The following PAK2 variants were observed in gnomAD, a reference collection of about 807,000 sequenced individuals.
PAK2 encodes the protein p21 (RAC1) activated kinase 2.
PAK2 carries 21 observed loss-of-function variants against 65.9 expected under a neutral mutation model. That is an observed-to-expected ratio of 0.32 (90% CI 0.23 to 0.46). The LOEUF (loss-of-function observed/expected upper bound fraction) is 0.46, where lower values mean the gene tolerates loss of function less well. Ranked by LOEUF, PAK2 falls within the 20% of genes least tolerant of loss-of-function variation. PAK2 has a pLI of 1.00. For synonymous variants in PAK2, 204 were observed against 219.7 expected (o/e 0.93, Z 0.63); for missense variants, 324 against 642.6 (o/e 0.50, Z 5.36).
Position 196,756,604 on chromosome 3 carries a change from G to A in PAK2, c.-22+16447G>A, listed in dbSNP as rs145250479. Among the ~76,000 whole-genome samples, 294 of 152,282 alleles carry A rather than the reference G, an allele frequency of 1.9e-3. 1 individual carries two copies. The highest frequency in any genetic ancestry group is 6.8e-3 in the African/African-American group (281 of 41,548). ...TGTAATCCCAGCACTTTGGGAGGCCGAGCTGGGAGGATCACAAGGTCAGGA... is the reference window on the plus strand; with the variant it reads ...TGTAATCCCAGCACTTTGGGAGGCCAAGCTGGGAGGATCACAAGGTCAGGA... On this transcript the variant is annotated intron_variant, in intron 1 of 14. Coordinates refer to ENST00000327134, the MANE Select transcript of PAK2 (RefSeq NM_002577.4).
chr3:196,751,910 T>G (rs1216271227), intron 1 of PAK2, among the ~76,000 whole-genome samples: 1 of 150,968 alleles, frequency 6.6e-6, no homozygotes, highest in African/African-American at 2.4e-5. Flanking sequence ...TCTCAGCTAA[T>G]TTTTGTATTT....
chr3:196,787,223 T>C (rs577332366), intron 2 of PAK2, among the ~76,000 whole-genome samples: 2 of 152,284 alleles, frequency 1.3e-5, no homozygotes, highest in South Asian at 4.1e-4. Context: ...TTCTATAAAT[T>C]TTAGAATCTG....
intron 1 of PAK2, among the ~76,000 whole-genome samples, chr3:196,764,306 C>G (rs993640706): frequency 1.3e-5 from 2 of 152,036 alleles, no homozygotes; most frequent in African/African-American, 2.4e-5. Flanking sequence ...TCTGATGGAA[C>G]ATCGTATCTT....
intron 1 of PAK2, among the ~76,000 whole-genome samples, chr3:196,778,038 A>G (rs976325652): frequency 2.6e-5 from 4 of 151,906 alleles, no homozygotes; most frequent in African/African-American, 9.7e-5. Context: ...TAGGAGCCCC[A>G]TCTCATTTCC....
intron 8 of PAK2, 66 bp downstream of exon 8, chr3:196,810,719 T>C (rs940141631): frequency 5.5e-5 from 47 of 851,290 alleles, no homozygotes; most frequent in Non-Finnish European, 9.1e-5. Flanking sequence ...TATAGCATGA[T>C]GTTTATTTTG....
At chr3:196,773,268 T>C (rs1176021858) in intron 1 of PAK2, among the ~76,000 whole-genome samples, 2 of 152,232 alleles carry the variant, frequency 1.3e-5, no homozygotes, top group Non-Finnish European at 2.9e-5. Context: ...TGCTCTTTTT[T>C]TTGTAAAACA....
intron 1 of PAK2, among the ~76,000 whole-genome samples, chr3:196,751,978 G>A (rs1713618870): frequency 6.6e-6 from 1 of 151,582 alleles, no homozygotes; most frequent in African/African-American, 2.4e-5. Flanking sequence ...CTTGACCTCA[G>A]GTGTTCTGCC....
chr3:196,804,063 C>G (rs1453735604), intron 4 of PAK2, among the ~76,000 whole-genome samples: 1 of 152,114 alleles, frequency 6.6e-6, no homozygotes. Flanking sequence ...TGTCCTGTTT[C>G]CCTCAGTTTA....
At chr3:196,766,197 T>C (rs1714161392) in intron 1 of PAK2, among the ~76,000 whole-genome samples, 1 of 152,116 alleles carries the variant, frequency 6.6e-6, no homozygotes, top group Non-Finnish European at 1.5e-5. Flanking sequence ...GCCTGGCCTC[T>C]TTTTTAAATT....
intron 1 of PAK2, among the ~76,000 whole-genome samples, chr3:196,773,783 A>T (rs1714449941): frequency 6.6e-6 from 1 of 152,020 alleles, no homozygotes; most frequent in African/African-American, 2.4e-5. Flanking sequence ...GAGACAGGAG[A>T]ATTGCTTGAA....
rs541118707 is a variant in PAK2, at chr3:196,758,933, C to T, written c.-22+18776C>T. On this transcript the variant is annotated intron_variant, in intron 1 of 14. Transcript: ENST00000327134. ...TCAGTGTGCCAAAGTGCTGGCATTA[C>T]AGGCATGAGCCACCACACCCGTCCA... Among the ~76,000 whole-genome samples the T allele has an allele frequency of 1.2e-4, 19 of 152,318 alleles. 1 individual carries two copies. The East Asian group carries it at 2.9e-3, about 23-fold the overall frequency.
chr3:196,811,211 C>G, intron 8 of PAK2, among the ~76,000 whole-genome samples: 1 of 59,622 alleles, frequency 1.7e-5, no homozygotes, highest in African/African-American at 9.6e-5. Flanking sequence ...CCCTTCCTTC[C>G]CTTCCCTCCC....
intron 10 of PAK2, among the ~76,000 whole-genome samples, chr3:196,813,873 C>A (rs1302002407): frequency 1.3e-5 from 2 of 152,056 alleles, no homozygotes; most frequent in African/African-American, 4.8e-5. Context: ...TTGCTTGAAC[C>A]CAAGAGGTGG....
chr3:196,761,057 T>C (rs1713943348), intron 1 of PAK2, among the ~76,000 whole-genome samples: 1 of 151,748 alleles, frequency 6.6e-6, no homozygotes, highest in Admixed American at 6.6e-5. Flanking sequence ...GGAGAAACCC[T>C]GTCTCTACTA....
intron 2 of PAK2, among the ~76,000 whole-genome samples, chr3:196,795,299 A>G (rs2108751110): frequency 6.6e-6 from 1 of 151,622 alleles, no homozygotes; most frequent in East Asian, 1.9e-4. Flanking sequence ...CTACAAAAAA[A>G]AAAAAAGAAA....
intron 1 of PAK2, among the ~76,000 whole-genome samples, chr3:196,763,428 C>G (rs1051147134): frequency 4.6e-5 from 7 of 152,080 alleles, no homozygotes; most frequent in East Asian, 1.9e-4. Flanking sequence ...CTCCAGCGCC[C>G]TATATCGACA....
intron 1 of PAK2, among the ~76,000 whole-genome samples, chr3:196,760,517 C>T (rs1713923322): frequency 6.6e-6 from 1 of 152,174 alleles, no homozygotes; most frequent in Non-Finnish European, 1.5e-5. Flanking sequence ...TCCCAAAGTG[C>T]TGGGATTACA....
chr3:196,804,521 G>A (rs1224521214), intron 4 of PAK2, among the ~76,000 whole-genome samples: 3 of 152,136 alleles, frequency 2.0e-5, no homozygotes, highest in Non-Finnish European at 2.9e-5. Context: ...AGGCTGGAGT[G>A]CAGTGGCACA....
chr3:196,800,660 A>G (rs1358629521), intron 2 of PAK2, among the ~76,000 whole-genome samples: 1 of 152,236 alleles, frequency 6.6e-6, no homozygotes, highest in Non-Finnish European at 1.5e-5. Flanking sequence ...GATAATTGCA[A>G]CAGAGCAGAG....
Sources: gnomAD v4.1 joint callset for allele counts (sites outside exome capture counted in the v4.1 genomes callset) on GRCh38, gnomAD v4.1.1 for gene constraint, MANE v1.5 for transcripts, NCBI Gene and HGNC (gene_info 2026-07-23, HGNC 2026-07-21) for gene names.